ZNF185: variants seen among roughly 807,000 people sequenced by gnomAD.
The protein encoded by ZNF185 is zinc finger protein 185 with LIM domain.
Under a neutral mutation model 58.6 loss-of-function variants are expected in ZNF185, and 56 were observed. That is an observed-to-expected ratio of 0.95 (90% CI 0.77 to 1.19). ZNF185 has a LOEUF of 1.19. Ranked by LOEUF, ZNF185 falls within the 50% of genes most tolerant of loss-of-function variation. ZNF185 has a pLI of 0.00. For synonymous variants in ZNF185, 230 were observed against 215.9 expected (o/e 1.07, Z -0.57); for missense variants, 627 against 573.5 (o/e 1.09, Z -0.95).
At chrX:152,908,575 CCG>C in the ZNF185 span, among the ~76,000 whole-genome samples, 1 of 112,449 alleles carries the variant, frequency 8.9e-6, no homozygotes, top group Non-Finnish European at 1.9e-5. Context: ...CTGCATCAGG[CCG>C]AGCAGCACAG....
At chrX:152,972,457 C>A (rs919664361) in exon 23 of ZNF185, 2 of 110,310 alleles carry the variant, frequency 1.8e-5, no homozygotes, top group Non-Finnish European at 3.8e-5. Flanking sequence ...ATTATCCCCC[C>A]CCCCATGAAG....
chrX:152,937,957 C>G (rs1454040594), intron 14 of ZNF185, 117 bp from the exon 17 acceptor site: 5 of 656,420 alleles, frequency 7.6e-6, no homozygotes, highest in South Asian at 5.6e-5. Flanking sequence ...AGACACCAGC[C>G]TTTACTGGAA....
intron 16 of ZNF185, among the ~76,000 whole-genome samples, chrX:152,946,183 C>G (rs782731469): frequency 1.8e-5 from 2 of 112,346 alleles, no homozygotes; most frequent in Non-Finnish European, 3.8e-5. Flanking sequence ...GTTTCTTACA[C>G]AAGACAGAAA....
chrX:152,905,809 G>A, the ZNF185 span, among the ~76,000 whole-genome samples: 6 of 110,134 alleles, frequency 5.4e-5, no homozygotes, highest in Non-Finnish European at 1.9e-5. Context: ...GGACCAGAAT[G>A]GAGGGGTGGA....
chrX:152,930,282 C>T (rs1402071873), intron 12 of ZNF185, among the ~76,000 whole-genome samples: 1 of 111,966 alleles, frequency 8.9e-6, no homozygotes, highest in African/African-American at 3.2e-5. Context: ...CGAGTTTATT[C>T]GTAGGCATTG....
rs186957214 is a variant in ZNF185 at position 152,958,388 on chromosome X, C to T, written c.1410-1311C>T. 1.3e-4 allele frequency among the ~76,000 whole-genome samples: 15 copies of T among 111,143 alleles called. No homozygotes were observed. The East Asian group carries it at 3.1e-3, about 23-fold the overall frequency. ...GTCACCTGATCAGGTTGAACTGCAG[C>T]AGGAACAAGGAAGTTCCATTTTGAC... On this transcript the variant is annotated intron_variant, in intron 16 of 22. Transcript: ENST00000449285.
exon 15 of ZNF185, chrX:152,938,136 A>G (rs1556884333): frequency 1.7e-6 from 2 of 1,185,390 alleles, no homozygotes; most frequent in Admixed American, 4.7e-5. Context: ...ACAGCAGCCC[A>G]GGAGGATGCA....
In ZNF185 at chrX:152,937,974, G is replaced by A. The variant is rs1159448474; in HGVS notation, c.1122-100G>A. Reference sequence around the variant, plus strand: ...ACACCAGCCTTTACTGGAAGACACAGTTCCTCCCTTTCTGGTGAGAAGGCA... The same window carrying A: ...ACACCAGCCTTTACTGGAAGACACAATTCCTCCCTTTCTGGTGAGAAGGCA... On this transcript the variant is annotated intron_variant, in intron 14 of 22. Transcript: ENST00000449285. 3 of 783,652 alleles carry A rather than the reference G, an allele frequency of 3.8e-6. No individual in the cohort carries two copies. In the Admixed American group the frequency reaches 8.5e-5, roughly 22 times the overall value. 64.6% of individuals were successfully genotyped at this position (783,652 alleles called of 1,213,427 possible). A position where few individuals can be genotyped will look rare whatever the true frequency, so the allele number is the denominator to read the frequency against.
rs185222888 is a variant in ZNF185 at position 152,924,923 on chromosome X, C to T, written c.830+2114C>T. ...GGTCTCAAACTGCTGACCTTGTGAT[C>T]TGCCCACCTCAGGCTCCCAAAGTGC... On this transcript the variant is annotated intron_variant, in intron 11 of 22. Coordinates refer to ENST00000449285, the Ensembl canonical transcript of ZNF185. Among the ~76,000 whole-genome samples the T allele has an allele frequency of 2.0e-3, 221 of 111,949 alleles. 1 individual carries two copies. The South Asian group carries it at 0.025, about 13-fold the overall frequency.
the ZNF185 span, among the ~76,000 whole-genome samples, chrX:152,902,029 G>T: frequency 8.9e-6 from 1 of 112,430 alleles, no homozygotes; most frequent in Admixed American, 9.3e-5. Flanking sequence ...CTAGGAACTG[G>T]GAGGGTGCCT....
At chrX:152,903,652 C>G in the ZNF185 span, among the ~76,000 whole-genome samples, 3 of 111,417 alleles carry the variant, frequency 2.7e-5, no homozygotes, top group East Asian at 8.5e-4. Context: ...AAGAGGGTCC[C>G]TGCCCAGCCC....
rs1265907626 is a variant in ZNF185, at chrX:152,957,498, A to G, written c.1410-2201A>G. Among the ~76,000 whole-genome samples, 6 of 112,325 alleles carry G rather than the reference A, an allele frequency of 5.3e-5. No individual in the cohort carries two copies. In the Admixed American group the frequency reaches 5.6e-4, roughly 11 times the overall value. On this transcript the variant is annotated intron_variant, in intron 16 of 22. Transcript: ENST00000449285. ...AATTTTGAGCTTGCAAAGGCTTTTA[A>G]CTAGTCAAGATAATTTTTAGAACTA...
chrX:152,940,323 A>G (rs1170128022), intron 15 of ZNF185, among the ~76,000 whole-genome samples: 1 of 107,433 alleles, frequency 9.3e-6, no homozygotes, highest in African/African-American at 3.4e-5. Context: ...TAAGACATCA[A>G]TCAATACATG....
At chrX:152,911,142 G>A (rs1937115286), upstream of ZNF185, among the ~76,000 whole-genome samples, 1 of 111,797 alleles carries the variant, frequency 8.9e-6, no homozygotes, top group South Asian at 3.7e-4. Context: ...TTAGGGGAGG[G>A]GAGCACCCAG....
At chrX:152,914,972 G>T in intron 2 of ZNF185, 139 bp downstream of exon 3, 14 of 1,011,694 alleles carry the variant, frequency 1.4e-5, no homozygotes, top group Non-Finnish European at 1.9e-5. Flanking sequence ...GCGTGGGAAA[G>T]GCTATCCAGC....
Position 152,958,044 on chromosome X carries a change from AT to A in ZNF185, c.1410-1646del, listed in dbSNP as rs1163310810. Among the ~76,000 whole-genome samples the A allele has an allele frequency of 2.7e-5, 3 of 111,317 alleles. No individual in the cohort carries two copies. In the Admixed American group the frequency reaches 2.8e-4, roughly 11 times the overall value. On this transcript the variant is annotated intron_variant, in intron 16 of 22. Transcript: ENST00000449285. ...GGGAGCCAAGCCACAACACAAAAGA[AT>A]TTTTTTTTAAAATGCACTTCAGTGT...
intron 18 of ZNF185, among the ~76,000 whole-genome samples, chrX:152,964,514 C>G (rs1230136241): frequency 1.8e-5 from 2 of 111,931 alleles, no homozygotes; most frequent in African/African-American, 6.5e-5. Flanking sequence ...TTGAAACAAC[C>G]AGATCTTGTG....
chrX:152,921,621 A>G (rs1272824925), intron 9 of ZNF185, among the ~76,000 whole-genome samples: 1 of 111,406 alleles, frequency 9.0e-6, no homozygotes, highest in Non-Finnish European at 1.9e-5. Context: ...TCAGAAAGGG[A>G]TTCTCTCCCG....
chrX:152,941,331 T>C (rs1255831165), intron 15 of ZNF185, among the ~76,000 whole-genome samples: 1 of 112,233 alleles, frequency 8.9e-6, no homozygotes, highest in Admixed American at 9.4e-5. Context: ...GCTTCTTATA[T>C]GCAGAGATCT....
Sources: gnomAD v4.1 joint callset for allele counts (sites outside exome capture counted in the v4.1 genomes callset) on GRCh38, gnomAD v4.1.1 for gene constraint, MANE v1.5 for transcripts, NCBI Gene and HGNC (gene_info 2026-07-23, HGNC 2026-07-21) for gene names.